PRMT8: variants seen among roughly 807,000 people sequenced by gnomAD.
The protein encoded by PRMT8 is protein arginine N-methyltransferase 8.
Under a neutral mutation model 47.1 loss-of-function variants are expected in PRMT8, and 7 were observed. The ratio of observed to expected loss-of-function variants is 0.15; its 90% CI spans 0.08 to 0.28. PRMT8 has a LOEUF of 0.28. Ranked by LOEUF, PRMT8 falls within the 10% of genes least tolerant of loss-of-function variation. The pLI is 1.00. For synonymous variants in PRMT8, 188 were observed against 186.5 expected (o/e 1.01, Z -0.07); for missense variants, 237 against 505.4 (o/e 0.47, Z 5.09).
At chr12:3,447,479 G>C (rs767074178) in intron 1 of PRMT8, among the ~76,000 whole-genome samples, 4 of 151,862 alleles carry the variant, frequency 2.6e-5, no homozygotes, top group Non-Finnish European at 5.9e-5. Context: ...CAGCTGAGGC[G>C]CCCCCCTCTC....
intron 1 of PRMT8, among the ~76,000 whole-genome samples, chr12:3,451,057 C>A (rs1043904189): frequency 1.3e-5 from 1 of 78,340 alleles, no homozygotes; most frequent in Non-Finnish European, 2.9e-5. Context: ...CCCCCCCCCG[C>A]CGAAAGGTTT....
chr12:3,465,236 A>ATTTTT (rs1247014323), intron 1 of PRMT8, among the ~76,000 whole-genome samples: 3 of 140,444 alleles, frequency 2.1e-5, no homozygotes, highest in African/African-American at 7.8e-5. Flanking sequence ...TAAAATATAT[A>ATTTTT]TATTTTTATA....
At chr12:3,435,812 G>A (rs957360730) in intron 1 of PRMT8, among the ~76,000 whole-genome samples, 1 of 152,116 alleles carries the variant, frequency 6.6e-6, no homozygotes, top group Admixed American at 6.5e-5. Flanking sequence ...GAGCCACCAC[G>A]CCCGGCCAAC....
chr12:3,568,027 A>G (rs928673236), intron 4 of PRMT8, among the ~76,000 whole-genome samples: 3 of 151,556 alleles, frequency 2.0e-5, no homozygotes, highest in Non-Finnish European at 4.4e-5. Flanking sequence ...AGCAGAGATC[A>G]CGCCACTGCA....
At chr12:3,516,813 C>T (rs1865798749) in intron 1 of PRMT8, among the ~76,000 whole-genome samples, 1 of 152,072 alleles carries the variant, frequency 6.6e-6, no homozygotes, top group South Asian at 2.1e-4. Context: ...CCCCCTCGCC[C>T]CTTAGTTGCG....
intron 1 of PRMT8, among the ~76,000 whole-genome samples, chr12:3,483,522 C>A (rs1458285590): frequency 1.3e-5 from 2 of 151,936 alleles, no homozygotes; most frequent in Non-Finnish European, 2.9e-5. Context: ...TTGAGAGGTA[C>A]GCTGGGATAA....
chr12:3,532,088 C>T (rs534968654), intron 1 of PRMT8, among the ~76,000 whole-genome samples: 34 of 152,036 alleles, frequency 2.2e-4, no homozygotes, highest in Non-Finnish European at 4.3e-4. Flanking sequence ...CAGCGACGGC[C>T]GACATGGATT....
rs1866795629 is a variant in PRMT8, at chr12:3,569,118, A to C, written c.624+270A>C. ...ACATCCGTTCTCTCTTGTCGAGTTA[A>C]AGGTCCGTTTCGGTCAGCAAGTACT... is the stretch of plus-strand genomic sequence containing the variant. On this transcript the variant is annotated intron_variant, in intron 5 of 9. Coordinates refer to ENST00000382622, the MANE Select transcript of PRMT8 (RefSeq NM_019854.5). This position sits in a 1 kb window ranked among gnomAD's most constrained non-coding sequence, Gnocchi z 8.2. Among the ~76,000 whole-genome samples the C allele has an allele frequency of 6.6e-6, 1 of 152,154 alleles. No homozygotes were observed. Among genetic ancestry groups the C allele is most frequent in the Non-Finnish European group, 1.5e-5 (1 of 68,014 alleles).
At chr12:3,499,193 C>CTTT (rs57788869) in intron 1 of PRMT8, among the ~76,000 whole-genome samples, 3 of 122,256 alleles carry the variant, frequency 2.5e-5, no homozygotes, top group Non-Finnish European at 5.1e-5. Flanking sequence ...TTTTTCCTTT[C>CTTT]TTTTTTTTTT....
chr12:3,511,810 A>AG (rs1233274394), intron 1 of PRMT8, among the ~76,000 whole-genome samples: 1 of 152,236 alleles, frequency 6.6e-6, no homozygotes, highest in Non-Finnish European at 1.5e-5. Context: ...AAAGAGCTAA[A>AG]GGGGAAAAAA....
chr12:3,478,846 G>A (rs969912168), intron 1 of PRMT8, among the ~76,000 whole-genome samples: 1 of 152,208 alleles, frequency 6.6e-6, no homozygotes, highest in Non-Finnish European at 1.5e-5. Context: ...TCCCAAGGTT[G>A]GCATCTACTT....
At chr12:3,430,012 C>T (rs906197412) in intron 1 of PRMT8, among the ~76,000 whole-genome samples, 1 of 152,222 alleles carries the variant, frequency 6.6e-6, no homozygotes, top group Non-Finnish European at 1.5e-5. Flanking sequence ...CCCTCAGACA[C>T]CAAGTTGTAG....
intron 1 of PRMT8, among the ~76,000 whole-genome samples, chr12:3,515,437 G>C (rs538137883): frequency 6.6e-6 from 1 of 152,282 alleles, no homozygotes; most frequent in South Asian, 2.1e-4. Context: ...AATGGGTGCA[G>C]CACACCAACA....
In PRMT8 at chr12:3,456,921, C is replaced by T. The variant is rs1018882393; in HGVS notation, c.48+75479C>T. Among the ~76,000 whole-genome samples, 3 of 152,316 alleles carry T rather than the reference C, an allele frequency of 2.0e-5. No individual in the cohort carries two copies. The highest frequency in any genetic ancestry group is 2.1e-4 in the South Asian group (1 of 4,824). On this transcript the variant is annotated intron_variant, in intron 1 of 9. Coordinates refer to the PRMT8 transcript ENST00000452611. The surrounding 1 kb of genome is among the most constrained non-coding windows in gnomAD (Gnocchi z 4.2). ...GTGCGTCTTTTCTTGCTGTGGCTGA[C>T]GTCCTAGCCGTGTTAAGGGGGTGGG...
At chr12:3,499,471 G>C (rs1340797291) in intron 1 of PRMT8, among the ~76,000 whole-genome samples, 1 of 29,674 alleles carries the variant, frequency 3.4e-5, no homozygotes, top group Non-Finnish European at 6.3e-5. Context: ...TCTTGCGATA[G>C]TTTACTGAGA....
chr12:3,576,266 G>A lies in PRMT8; in HGVS notation c.713-605G>A, dbSNP rs1591611650. Among the ~76,000 whole-genome samples, 1 of 152,364 alleles carries A rather than the reference G, an allele frequency of 6.6e-6. No homozygotes were observed. The highest frequency in any genetic ancestry group is 3.4e-3 in the Middle Eastern group (1 of 294). On this transcript the variant is annotated intron_variant, in intron 6 of 9. Transcript: ENST00000382622. The surrounding 1 kb of genome is among the most constrained non-coding windows in gnomAD (Gnocchi z 4.0). ...CAGAGATGCTCCTGGACCCACCCAG[G>A]TGAGAAAACTGAGGTTCAGAGAGGT...
At chr12:3,520,848 C>T (rs1447119506) in intron 1 of PRMT8, among the ~76,000 whole-genome samples, 2 of 152,108 alleles carry the variant, frequency 1.3e-5, no homozygotes, top group Admixed American at 1.3e-4. Flanking sequence ...AAAATCTGGA[C>T]AAAGCAAGGC....
rs552353158 is a variant in PRMT8 at position 3,485,776 on chromosome 12, A to T, written c.49-54830A>T. 2.6e-5 allele frequency among the ~76,000 whole-genome samples: 4 copies of T among 152,356 alleles called. No homozygotes were observed. The East Asian group carries it at 7.7e-4, about 29-fold the overall frequency. ...TAACTTAGGTCTTATATATATTTGC[A>T]TGAGCAAAAAATAGAGAAGAGTACA... On this transcript the variant is annotated intron_variant, in intron 1 of 9. Coordinates refer to the PRMT8 transcript ENST00000452611.
chr12:3,482,149 G>C (rs1367445221), intron 1 of PRMT8, among the ~76,000 whole-genome samples: 2 of 152,150 alleles, frequency 1.3e-5, no homozygotes, highest in Non-Finnish European at 2.9e-5. Flanking sequence ...TTGTTTTATG[G>C]GCCAGGAGGA....
Sources: allele counts gnomAD v4.1 joint callset (sites outside exome capture counted in the v4.1 genomes callset), GRCh38; gene constraint gnomAD v4.1.1; non-coding constraint Gnocchi (gnomAD v3.1); transcripts MANE v1.5; gene names NCBI Gene and HGNC (gene_info 2026-07-23, HGNC 2026-07-21).